The following PARD3B variants were observed in gnomAD, a reference collection of about 807,000 sequenced individuals.
PARD3B encodes par-3 family cell polarity regulator beta.
Under a neutral mutation model 130.2 loss-of-function variants are expected in PARD3B, and 103 were observed. The observed-to-expected ratio is 0.79, with a 90% CI of 0.67 to 0.93. The LOEUF is 0.93. Among genes scored for constraint, PARD3B ranks in the 40% least tolerant of loss-of-function variants. PARD3B has a pLI of 0.00. For missense variants in PARD3B, 1,609 were observed against 1,499.2 expected (o/e 1.07, Z -1.21); for synonymous variants, 583 against 553.2 (o/e 1.05, Z -0.76).
chr2:204,789,689 C>G (rs533641063), intron 2 of PARD3B, among the ~76,000 whole-genome samples: 1 of 152,036 alleles, frequency 6.6e-6, no homozygotes, highest in Non-Finnish European at 1.5e-5. Context: ...CTTTCTAAAT[C>G]TAGTCTATTT....
At position 205,179,445 on chromosome 2, in the gene PARD3B, A is replaced by G. The variant is rs143533570; in HGVS notation, c.1924+2868A>G. Among the ~76,000 whole-genome samples the G allele has an allele frequency of 1.3e-3, 194 of 152,324 alleles. 1 individual carries two copies. The highest frequency in any genetic ancestry group is 4.4e-3 in the African/African-American group (182 of 41,574). ...AGCAACTGCCAGTCCTGCAAGCTCC[A>G]TTCATGGTAAGTGTCCTATGCAGGT... On this transcript the variant is annotated intron_variant, in intron 13 of 22. Coordinates refer to ENST00000406610, the MANE Select transcript of PARD3B (RefSeq NM_001302769.2).
intron 2 of PARD3B, among the ~76,000 whole-genome samples, chr2:204,810,414 G>A (rs2042922536): frequency 6.6e-6 from 1 of 152,058 alleles, no homozygotes; most frequent in Non-Finnish European, 1.5e-5. Context: ...TTTGAGGTAT[G>A]TCCCTACAAT....
chr2:205,286,597 T>C (rs780928975), intron 16 of PARD3B, among the ~76,000 whole-genome samples: 1 of 152,198 alleles, frequency 6.6e-6, no homozygotes, highest in Non-Finnish European at 1.5e-5. Flanking sequence ...TGTCTGGAAA[T>C]TTCTGTGAAA....
intron 4 of PARD3B, among the ~76,000 whole-genome samples, chr2:205,048,955 G>T (rs1413124073): frequency 1.3e-5 from 2 of 152,318 alleles, no homozygotes; most frequent in African/African-American, 4.8e-5. Context: ...TATGTGGTAT[G>T]ACTTTTCTTA....
At chr2:205,061,330 T>C (rs777612338) in intron 4 of PARD3B, among the ~76,000 whole-genome samples, 8 of 152,146 alleles carry the variant, frequency 5.3e-5, no homozygotes, top group Non-Finnish European at 1.2e-4. Flanking sequence ...GTTAAGAACA[T>C]GGACTGTAAA....
intron 20 of PARD3B, among the ~76,000 whole-genome samples, chr2:205,441,033 G>T (rs568227655): frequency 6.6e-6 from 1 of 152,186 alleles, no homozygotes; most frequent in East Asian, 1.9e-4. Flanking sequence ...GGCACATGGA[G>T]GTGGAGAGTC....
At chr2:204,915,916 T>A (rs2047423727) in intron 2 of PARD3B, among the ~76,000 whole-genome samples, 1 of 152,216 alleles carries the variant, frequency 6.6e-6, no homozygotes, top group East Asian at 1.9e-4. Flanking sequence ...TTACGGTTTG[T>A]GGCTGTGAAT....
chr2:205,467,094 AC>A (rs1263794907), intron 20 of PARD3B, among the ~76,000 whole-genome samples: 1 of 152,244 alleles, frequency 6.6e-6, no homozygotes, highest in Admixed American at 6.5e-5. Flanking sequence ...TGCATCATAA[AC>A]AAGCACAAAG....
intron 21 of PARD3B, among the ~76,000 whole-genome samples, chr2:205,524,097 C>T (rs1032063533): frequency 6.6e-6 from 1 of 151,998 alleles, no homozygotes; most frequent in Non-Finnish European, 1.5e-5. Flanking sequence ...CTCTAAGTAA[C>T]TTGTTTTCTC....
At chr2:205,570,869 A>C (rs1307174927) in intron 22 of PARD3B, among the ~76,000 whole-genome samples, 1 of 152,232 alleles carries the variant, frequency 6.6e-6, no homozygotes, top group Non-Finnish European at 1.5e-5. Context: ...AGCAGACAAC[A>C]ACCTTCATCA....
intron 1 of PARD3B, among the ~76,000 whole-genome samples, chr2:204,674,744 C>A (rs550828669): frequency 9.2e-5 from 14 of 152,118 alleles, no homozygotes; most frequent in Non-Finnish European, 1.9e-4. Flanking sequence ...ATTATTGTTA[C>A]CTGTAAAATG....
intron 3 of PARD3B, among the ~76,000 whole-genome samples, chr2:205,028,100 G>A (rs1697162169): frequency 6.6e-6 from 1 of 151,988 alleles, no homozygotes; most frequent in Non-Finnish European, 1.5e-5. Flanking sequence ...TTCTGTTTCT[G>A]TGAAAAATAG....
chr2:204,641,428 T>C (rs764515128), intron 1 of PARD3B, among the ~76,000 whole-genome samples: 2 of 151,060 alleles, frequency 1.3e-5, no homozygotes, highest in African/African-American at 2.5e-5. Context: ...AATGTACTTA[T>C]GTTGAAAAGT....
chr2:205,336,036 T>C (rs935942719), intron 18 of PARD3B, among the ~76,000 whole-genome samples: 1 of 152,174 alleles, frequency 6.6e-6, no homozygotes, highest in African/African-American at 2.4e-5. Context: ...ACTATATCAG[T>C]AGAGACAAGG....
At chr2:204,853,211 A>G (rs1236174180) in intron 2 of PARD3B, among the ~76,000 whole-genome samples, 1 of 152,194 alleles carries the variant, frequency 6.6e-6, no homozygotes, top group East Asian at 1.9e-4. Context: ...TATGTTCCAT[A>G]GGAACTATTA....
chr2:204,770,606 T>C (rs1377765834), intron 2 of PARD3B, among the ~76,000 whole-genome samples: 2 of 152,090 alleles, frequency 1.3e-5, no homozygotes, highest in Non-Finnish European at 2.9e-5. Context: ...ATTGCTAAGA[T>C]GATCAGTCAA....
intron 1 of PARD3B, among the ~76,000 whole-genome samples, chr2:204,631,312 C>A (rs144994528): frequency 3.3e-5 from 5 of 151,302 alleles, no homozygotes; most frequent in Non-Finnish European, 7.4e-5. Flanking sequence ...TGCAGTGGCA[C>A]GATCTCAGCT....
At chr2:205,272,240 C>G (rs1288352619) in intron 16 of PARD3B, among the ~76,000 whole-genome samples, 1 of 150,866 alleles carries the variant, frequency 6.6e-6, no homozygotes, top group Non-Finnish European at 1.5e-5. Flanking sequence ...TAAAATTTTG[C>G]TTAATTTGAT....
At chr2:205,541,097 AC>A (rs34989393) in intron 21 of PARD3B, among the ~76,000 whole-genome samples, 54,651 of 151,998 alleles carry the variant, frequency 0.36, 11,047 homozygotes, top group Admixed American at 0.5. Flanking sequence ...AGTCTGTGTT[AC>A]CCATGCTGGT....
Sources: allele counts gnomAD v4.1 joint callset (sites outside exome capture counted in the v4.1 genomes callset), GRCh38; gene constraint gnomAD v4.1.1; transcripts MANE v1.5; gene names NCBI Gene and HGNC (gene_info 2026-07-23, HGNC 2026-07-21).